SLC1A7: variants seen among roughly 807,000 people sequenced by gnomAD.
SLC1A7 encodes solute carrier family 1 member 7.
A neutral mutation model predicts 47.7 loss-of-function variants in SLC1A7; 40 were observed. That is an observed-to-expected ratio of 0.84 (90% CI 0.65 to 1.09). The LOEUF (loss-of-function observed/expected upper bound fraction) is 1.09. SLC1A7 is among the 50% of genes least tolerant of loss of function. The probability of loss-of-function intolerance (pLI) is 0.00; values close to 1 mark genes in which losing one functional copy is unlikely to be tolerated. For synonymous variants in SLC1A7, 323 were observed against 325.6 expected (o/e 0.99, Z 0.09); for missense variants, 746 against 769.5 (o/e 0.97, Z 0.36).
chr1:53,090,742 C>T lies in SLC1A7; in HGVS notation c.1096G>A (p.Ala366Thr), dbSNP rs1644411785. 4.3e-6 allele frequency: 7 copies of T among 1,613,734 alleles called. No individual in the cohort carries two copies. Among genetic ancestry groups the T allele is most frequent in the African/African-American group, 2.7e-5 (2 of 74,946 alleles). Residue 366 changes from alanine to threonine, a missense_variant, in exon 8 of 11, where the codon GCT becomes ACT. Transcript: ENST00000371494. ...LENNHIDRRI[A>T]RFVLPVGATI... ...GCACCCACGGGCAGCACGAAGCGAG[C>T]GATGCGCCGGTCGATGTGGTTGTTC...
chr1:53,103,328 C>T lies in SLC1A7; in HGVS notation c.697+18G>A, dbSNP rs1413757440. ...GGCCCGGCTCCACGGCACTGCTGGG[C>T]AGGTGGGCAGCACATACCCATGGTG... On this transcript the variant is annotated intron_variant, in intron 5 of 10. Transcript: ENST00000371494. The T allele has an allele frequency of 3.9e-6, 6 of 1,557,902 alleles. No individual in the cohort carries two copies. Among genetic ancestry groups the T allele is most frequent in the Non-Finnish European group, 5.2e-6 (6 of 1,148,196 alleles).
At chr1:53,088,533 T>C (rs1336336634) in intron 10 of SLC1A7, among the ~76,000 whole-genome samples, 1 of 152,064 alleles carries the variant, frequency 6.6e-6, no homozygotes, top group Non-Finnish European at 1.5e-5. Context: ...GCCTTCTCCA[T>C]TTGCCTGTAG....
chr1:53,108,512 C>T, intron 3 of SLC1A7: 2 of 712,548 alleles, frequency 2.8e-6, no homozygotes, highest in Non-Finnish European at 2.6e-6. Context: ...GATTCTCTTG[C>T]TAATGGGGTG....
At chr1:53,130,591 C>T (rs1177959463) in intron 2 of SLC1A7, among the ~76,000 whole-genome samples, 1 of 151,932 alleles carries the variant, frequency 6.6e-6, no homozygotes. Context: ...GATGGGAGCA[C>T]CACAGCCTCC....
intron 2 of SLC1A7, among the ~76,000 whole-genome samples, chr1:53,133,026 A>G (rs1644956758): frequency 6.6e-6 from 1 of 152,176 alleles, no homozygotes; most frequent in South Asian, 2.1e-4. Context: ...GAGAAGCTGA[A>G]CATTTGGAGG....
intron 1 of SLC1A7, 78 bp from the exon 2 acceptor site, chr1:53,134,507 G>T: frequency 1.1e-6 from 1 of 918,910 alleles, no homozygotes; most frequent in Non-Finnish European, 1.7e-6. Flanking sequence ...AGTCTTTGAA[G>T]CACTATCCCA....
intron 3 of SLC1A7, chr1:53,108,123 T>C: frequency 5.8e-6 from 1 of 172,432 alleles, no homozygotes; most frequent in Admixed American, 5.5e-5. Flanking sequence ...GAGTGTGTCT[T>C]GTGAGAAATG....
chr1:53,116,859 C>T (rs1378068982), intron 2 of SLC1A7, among the ~76,000 whole-genome samples: 3 of 152,248 alleles, frequency 2.0e-5, no homozygotes, highest in Admixed American at 1.3e-4. Flanking sequence ...CACATGCCCA[C>T]TCCGTGCCAT....
chr1:53,104,898 A>G (rs1644623196), intron 4 of SLC1A7, among the ~76,000 whole-genome samples: 1 of 152,212 alleles, frequency 6.6e-6, no homozygotes, highest in Non-Finnish European at 1.5e-5. Flanking sequence ...CATTCACCAC[A>G]ATTTCGACGA....
At chr1:53,116,695 C>G (rs553391578) in intron 2 of SLC1A7, among the ~76,000 whole-genome samples, 1 of 152,106 alleles carries the variant, frequency 6.6e-6, no homozygotes, top group East Asian at 1.9e-4. Flanking sequence ...GAACCCCCCG[C>G]AGTGGGGTCC....
intron 7 of SLC1A7, 162 bp from the exon 8 acceptor site, chr1:53,090,968 T>C (rs905787832): frequency 6.7e-7 from 1 of 1,502,100 alleles, no homozygotes; most frequent in Non-Finnish European, 8.9e-7. Context: ...ACTGCAGTGC[T>C]CTCACTTGGT....
intron 3 of SLC1A7, among the ~76,000 whole-genome samples, chr1:53,112,595 G>A (rs891565167): frequency 1.3e-5 from 2 of 152,260 alleles, no homozygotes; most frequent in African/African-American, 4.8e-5. Flanking sequence ...CTTAAGCCAA[G>A]AGAACTATTC....
At chr1:53,109,719 C>A (rs970277378) in intron 3 of SLC1A7, among the ~76,000 whole-genome samples, 3 of 152,198 alleles carry the variant, frequency 2.0e-5, no homozygotes, top group African/African-American at 7.2e-5. Context: ...CCCCTGGTCC[C>A]TCACTGCCAG....
intron 3 of SLC1A7, among the ~76,000 whole-genome samples, chr1:53,112,357 G>A (rs1644709064): frequency 6.6e-6 from 1 of 152,246 alleles, no homozygotes; most frequent in Non-Finnish European, 1.5e-5. Context: ...CCCCAGTTGA[G>A]CCACCAGCTG....
At chr1:53,130,255 A>T (rs1175806557) in intron 2 of SLC1A7, among the ~76,000 whole-genome samples, 2 of 152,194 alleles carry the variant, frequency 1.3e-5, no homozygotes, top group African/African-American at 4.8e-5. Flanking sequence ...AAAAGAATTA[A>T]AAGAGGGCGT....
intron 7 of SLC1A7, chr1:53,091,078 TG>T: frequency 1.1e-6 from 1 of 939,356 alleles, no homozygotes; most frequent in Non-Finnish European, 1.5e-6. Flanking sequence ...CCGAGGGATA[TG>T]GAGGTCTGAG....
At chr1:53,097,805 ACTCACACACT>A (rs1644515771) in intron 5 of SLC1A7, among the ~76,000 whole-genome samples, 2 of 151,214 alleles carry the variant, frequency 1.3e-5, no homozygotes, top group African/African-American at 4.9e-5. Flanking sequence ...GCCTCAGTAC[ACTCACACACT>A]CCGCCTCAGT....
chr1:53,117,014 C>G (rs767361540), intron 2 of SLC1A7, among the ~76,000 whole-genome samples: 1 of 152,172 alleles, frequency 6.6e-6, no homozygotes, highest in Non-Finnish European at 1.5e-5. Context: ...GCATCAGAAC[C>G]GCAAGGGAAG....
intron 2 of SLC1A7, among the ~76,000 whole-genome samples, chr1:53,127,037 A>G (rs1281961196): frequency 4.4e-5 from 1 of 22,724 alleles, no homozygotes; most frequent in African/African-American, 1.9e-4. Context: ...TAATTTTAAA[A>G]GTTTTTTTTT....
Sources: allele counts gnomAD v4.1 joint callset (sites outside exome capture counted in the v4.1 genomes callset), GRCh38; gene constraint gnomAD v4.1.1; transcripts MANE v1.5; gene names NCBI Gene and HGNC (gene_info 2026-07-23, HGNC 2026-07-21).